The following GNL3L variants were observed in gnomAD, a reference collection of about 807,000 sequenced individuals.
The protein encoded by GNL3L is guanine nucleotide-binding protein-like 3-like protein.
GNL3L carries 4 observed loss-of-function variants against 42.9 expected under a neutral mutation model. That is an observed-to-expected ratio of 0.09 (90% CI 0.05 to 0.21). The LOEUF is 0.21. Ranked by LOEUF, GNL3L falls within the 10% of genes least tolerant of loss-of-function variation. GNL3L has a pLI of 1.00. For synonymous variants in GNL3L, 159 were observed against 176.3 expected, an observed-to-expected ratio of 0.90 and a Z score of 0.78; for missense variants, 412 against 481.7, an observed-to-expected ratio of 0.86 and a Z score of 1.36.
chrX:54,581,461 C>T, intron 16 of GNL3L, among the ~76,000 whole-genome samples: 1 of 111,747 alleles, frequency 8.9e-6, no homozygotes, highest in East Asian at 2.8e-4. Flanking sequence ...TCTCAAACTC[C>T]TGGCCTCAAG....
chrX:54,539,157 G>C (rs1924538079), intron 3 of GNL3L, 56 bp downstream of exon 3: 1 of 638,343 alleles, frequency 1.6e-6, no homozygotes. Context: ...TGTCCTGGGA[G>C]AGGCCCACTA....
intron 16 of GNL3L, among the ~76,000 whole-genome samples, chrX:54,587,009 G>T (rs1380203703): frequency 1.8e-5 from 2 of 111,738 alleles, no homozygotes; most frequent in Non-Finnish European, 3.8e-5. Context: ...GACTACTTGG[G>T]TTTCAGAGGG....
intron 16 of GNL3L, among the ~76,000 whole-genome samples, chrX:54,615,751 C>T (rs1482098201): frequency 9.5e-6 from 1 of 105,786 alleles, no homozygotes; most frequent in Non-Finnish European, 1.9e-5. Flanking sequence ...GTTGCCCAGG[C>T]TGGAGTGCTG....
At chrX:54,542,285 C>T (rs1351765352) in intron 5 of GNL3L, among the ~76,000 whole-genome samples, 1 of 96,250 alleles carries the variant, frequency 1.0e-5, no homozygotes, top group African/African-American at 3.9e-5. Context: ...TGTGATGTTC[C>T]CCTTCCTGTG....
At chrX:54,640,265 AAAC>A in the GNL3L span, among the ~76,000 whole-genome samples, 1 of 111,500 alleles carries the variant, frequency 9.0e-6, no homozygotes, top group African/African-American at 3.3e-5. Flanking sequence ...GAAAAAACGA[AAAC>A]AACAAGCCAA....
chrX:54,577,950 CCAG>C (rs1462522042), intron 16 of GNL3L, among the ~76,000 whole-genome samples: 1 of 110,710 alleles, frequency 9.0e-6, no homozygotes, highest in East Asian at 2.8e-4. Flanking sequence ...GCCATGTTGC[CCAG>C]GCTGGTCTCA....
intron 15 of GNL3L, among the ~76,000 whole-genome samples, chrX:54,558,998 CTG>C (rs1386986763): frequency 3.6e-5 from 4 of 112,058 alleles, no homozygotes; most frequent in African/African-American, 1.3e-4. Flanking sequence ...GAGTATCTCT[CTG>C]TGTCCAGCTC....
chrX:54,540,521 TC>T (rs767101267), intron 4 of GNL3L, among the ~76,000 whole-genome samples: 1 of 112,192 alleles, frequency 8.9e-6, no homozygotes, highest in South Asian at 3.7e-4. Context: ...ATAGTATTCT[TC>T]CCTCATCTTA....
chrX:54,600,418 G>T (rs1424119087), intron 16 of GNL3L, among the ~76,000 whole-genome samples: 1 of 106,708 alleles, frequency 9.4e-6, no homozygotes, highest in Non-Finnish European at 1.9e-5. Flanking sequence ...TAGAGAGAGG[G>T]TTTCTCCATG....
At chrX:54,557,695 A>G (rs1397823084) in intron 14 of GNL3L, among the ~76,000 whole-genome samples, 1 of 110,612 alleles carries the variant, frequency 9.0e-6, no homozygotes, top group Non-Finnish European at 1.9e-5. Context: ...CAGCCTCCCA[A>G]AGTGCTAGGA....
At chrX:54,614,404 G>A (rs899490803) in intron 16 of GNL3L, among the ~76,000 whole-genome samples, 8 of 110,963 alleles carry the variant, frequency 7.2e-5, no homozygotes, top group Admixed American at 1.9e-4. Context: ...TCTGCACACC[G>A]GATTTGCGCC....
At chrX:54,597,190 C>T (rs1034808675) in intron 16 of GNL3L, among the ~76,000 whole-genome samples, 2 of 111,568 alleles carry the variant, frequency 1.8e-5, no homozygotes, top group East Asian at 5.7e-4. Context: ...CACCCAAGGC[C>T]ACTGACATAG....
At chrX:54,534,237 GTCT>G (rs1924355159) in intron 2 of GNL3L, among the ~76,000 whole-genome samples, 2 of 107,454 alleles carry the variant, frequency 1.9e-5, no homozygotes, top group African/African-American at 7.0e-5. Context: ...GCACTGGTGA[GTCT>G]GGAGGGCTAC....
chrX:54,640,201 C>A, the GNL3L span, among the ~76,000 whole-genome samples: 4 of 111,422 alleles, frequency 3.6e-5, no homozygotes, highest in Non-Finnish European at 7.5e-5. Context: ...CGGGGAGGGC[C>A]TGGTACAAAG....
intron 14 of GNL3L, among the ~76,000 whole-genome samples, chrX:54,557,435 T>C (rs1293232120): frequency 4.7e-5 from 5 of 106,124 alleles, no homozygotes; most frequent in African/African-American, 1.7e-4. Context: ...GCTAATTTTA[T>C]TTTTATTTTT....
chrX:54,641,519 G>C, the GNL3L span, among the ~76,000 whole-genome samples: 1 of 111,974 alleles, frequency 8.9e-6, no homozygotes, highest in African/African-American at 3.2e-5. Context: ...CATCAGAGAT[G>C]CCACCACTAT....
chrX:54,643,240 G>A, the GNL3L span, among the ~76,000 whole-genome samples: 1 of 110,760 alleles, frequency 9.0e-6, no homozygotes, highest in African/African-American at 3.3e-5. Flanking sequence ...GTCTTTTAGT[G>A]GTTATTTTTT....
At chrX:54,613,082 T>A (rs1376733288) in intron 16 of GNL3L, among the ~76,000 whole-genome samples, 4 of 111,709 alleles carry the variant, frequency 3.6e-5, no homozygotes, top group Non-Finnish European at 7.5e-5. Flanking sequence ...TATGTTTGGT[T>A]GTTTAACATA....
chrX:54,566,358 T>G lies in GNL3L; in HGVS notation c.*5756T>G. On this transcript the variant is annotated 3_prime_UTR_variant, in exon 16 of 16. Transcript: ENST00000360845. ...TTCGTTGATAGACATTTAGGTCGAT[T>G]CCATGTCTTTGGTATTGTGAATAGT... Among the ~76,000 whole-genome samples the G allele has an allele frequency of 8.9e-6, 1 of 111,762 alleles. No individual in the cohort carries two copies.
Sources: gnomAD v4.1 joint callset for allele counts (sites outside exome capture counted in the v4.1 genomes callset) on GRCh38, gnomAD v4.1.1 for gene constraint, MANE v1.5 for transcripts, NCBI Gene and HGNC (gene_info 2026-07-23, HGNC 2026-07-21) for gene names.